The following CHRM5 variants were observed in gnomAD, a reference collection of about 807,000 sequenced individuals.
The protein encoded by CHRM5 is cholinergic receptor muscarinic 5, also known as muscarinic acetylcholine receptor M5.
In CHRM5, 18 loss-of-function variants were observed where a neutral mutation model predicts 39.0. The ratio of observed to expected loss-of-function variants is 0.46; its 90% CI spans 0.32 to 0.68. The LOEUF (loss-of-function observed/expected upper bound fraction) is 0.68, where lower values mean the gene tolerates loss of function less well. Among genes scored for constraint, CHRM5 ranks in the 30% least tolerant of loss-of-function variants. The pLI, the probability that CHRM5 is intolerant of heterozygous loss-of-function variation, is 0.04. For missense variants in CHRM5, 515 were observed against 651.1 expected, an observed-to-expected ratio of 0.79 and a Z score of 2.28; for synonymous variants, 241 against 246.3, an observed-to-expected ratio of 0.98 and a Z score of 0.20.
At chr15:33,989,504 C>G (rs768558772) in intron 1 of CHRM5, among the ~76,000 whole-genome samples, 12 of 151,456 alleles carry the variant, frequency 7.9e-5, no homozygotes, top group Non-Finnish European at 1.0e-4. Flanking sequence ...GATCCCCTGA[C>G]GCCCACCAAG....
At chr15:34,039,037 C>G in intron 1 of CHRM5, 1 of 1,112,776 alleles carries the variant, frequency 9.0e-7, no homozygotes. Context: ...GCTCCTCGCT[C>G]CGCCTGCATC....
At chr15:33,985,560 T>C (rs1852126694) in intron 1 of CHRM5, among the ~76,000 whole-genome samples, 1 of 151,958 alleles carries the variant, frequency 6.6e-6, no homozygotes, top group African/African-American at 2.4e-5. Context: ...GTCAGAGCCT[T>C]GCATTCTTGA....
chr15:34,048,432 TC>T (rs1899804759), intron 2 of CHRM5, among the ~76,000 whole-genome samples: 1 of 149,136 alleles, frequency 6.7e-6, no homozygotes, highest in African/African-American at 2.5e-5. Flanking sequence ...CTTTGCCAGA[TC>T]ATGGCCAGGC....
At chr15:34,016,195 T>A (rs1034330696) in intron 1 of CHRM5, among the ~76,000 whole-genome samples, 1 of 152,066 alleles carries the variant, frequency 6.6e-6, no homozygotes, top group African/African-American at 2.4e-5. Flanking sequence ...GATCGTGCCA[T>A]TGCACTCCAG....
intron 1 of CHRM5, among the ~76,000 whole-genome samples, chr15:33,997,190 T>C (rs1398121663): frequency 6.6e-6 from 1 of 152,118 alleles, no homozygotes; most frequent in African/African-American, 2.4e-5. Flanking sequence ...GATAGAAAAT[T>C]GATAAATTCA....
chr15:34,064,060 T>C lies in CHRM5; in HGVS notation c.1343T>C (p.Leu448Pro). The C allele has an allele frequency of 1.2e-6, 2 of 1,614,192 alleles. No homozygotes were observed. The highest frequency in any genetic ancestry group is 1.1e-5 in the South Asian group (1 of 91,080). The change falls in exon 3 of 3, where the codon CTC becomes CCC. Residue 448 changes from leucine to proline, a missense_variant. Transcript: ENST00000383263. ...GCAGCCCAGACACTGAGTGCCATTCTCCTGGCCTTCATCATCACATGGACC... is the reference window on the plus strand; with the variant it reads ...GCAGCCCAGACACTGAGTGCCATTCCCCTGGCCTTCATCATCACATGGACC... Reference protein sequence around the residue: ...RKAAQTLSAILLAFIITWTPY... With the variant: ...RKAAQTLSAIPLAFIITWTPY...
intron 2 of CHRM5, 71 bp from the exon 3 acceptor site, chr15:34,062,572 A>AAAC (rs35767926): frequency 2.4e-4 from 160 of 657,322 alleles, no homozygotes; most frequent in Non-Finnish European, 2.6e-4. Flanking sequence ...AAAAAAAAAA[A>AAAC]AACTATAAAC....
chr15:34,047,172 G>C (rs1899730760), intron 2 of CHRM5, among the ~76,000 whole-genome samples: 1 of 151,730 alleles, frequency 6.6e-6, no homozygotes, highest in Admixed American at 6.6e-5. Context: ...CCGCCTCCCG[G>C]GTTCACGCCA....
At chr15:34,011,606 G>C (rs1296479047) in intron 1 of CHRM5, among the ~76,000 whole-genome samples, 3 of 152,134 alleles carry the variant, frequency 2.0e-5, no homozygotes, top group Non-Finnish European at 4.4e-5. Context: ...TCAGTATATG[G>C]AAAAAGCAGA....
chr15:34,039,174 T>C, intron 1 of CHRM5: 1 of 825,412 alleles, frequency 1.2e-6, no homozygotes, highest in South Asian at 5.6e-5. Context: ...AGGCGCGGGG[T>C]GCGGGGCTAG....
intron 1 of CHRM5, among the ~76,000 whole-genome samples, chr15:33,993,713 G>C (rs1388788168): frequency 1.3e-5 from 2 of 152,128 alleles, no homozygotes; most frequent in Non-Finnish European, 2.9e-5. Context: ...CACCACACCT[G>C]CTACCGGGCC....
chr15:33,985,476 C>G (rs1252579739), intron 1 of CHRM5, among the ~76,000 whole-genome samples: 1 of 128,782 alleles, frequency 7.8e-6, no homozygotes, highest in Non-Finnish European at 1.7e-5. Context: ...AGAAGCAACC[C>G]TGGGGGAGAT....
intron 2 of CHRM5, among the ~76,000 whole-genome samples, chr15:34,048,258 A>G (rs1346773484): frequency 6.6e-6 from 1 of 152,178 alleles, no homozygotes; most frequent in African/African-American, 2.4e-5. Flanking sequence ...CACTCCAGCC[A>G]GGGTTATATG....
Position 34,064,512 on chromosome 15 carries a change from T to A in CHRM5, c.*196T>A. 1 of 669,584 alleles carries A rather than the reference T, an allele frequency of 1.5e-6. No individual in the cohort carries two copies. The highest frequency in any genetic ancestry group is 2.5e-6 in the Non-Finnish European group (1 of 393,494). 41.5% of individuals were successfully genotyped at this position (669,584 alleles called of 1,614,324 possible). ...AGCAATTGCTGACATATTAAATGAC[T>A]CTTGCCTATGACCAAGGCCATTTGA... On this transcript the variant is annotated 3_prime_UTR_variant, in exon 3 of 3. Coordinates refer to ENST00000383263, the MANE Select transcript of CHRM5 (RefSeq NM_012125.4).
chr15:34,032,091 G>A (rs745331319), intron 1 of CHRM5, among the ~76,000 whole-genome samples: 21 of 151,870 alleles, frequency 1.4e-4, no homozygotes, highest in South Asian at 2.1e-4. Context: ...ATCCAGTGCC[G>A]TAATAAGTTA....
chr15:34,034,058 T>C (rs1049547845), intron 1 of CHRM5, among the ~76,000 whole-genome samples: 1 of 152,218 alleles, frequency 6.6e-6, no homozygotes, highest in Non-Finnish European at 1.5e-5. Context: ...GTGCTGGGAT[T>C]ACAGGCATGA....
chr15:34,039,835 T>TA (rs913522919), intron 1 of CHRM5, among the ~76,000 whole-genome samples: 7 of 152,032 alleles, frequency 4.6e-5, no homozygotes, highest in Admixed American at 2.6e-4. Flanking sequence ...TTGGAAAGGT[T>TA]AAAAAAAACT....
rs1389722827 is a variant in CHRM5, at chr15:34,062,788, G to A, written c.71G>A (p.Arg24His). The A allele has an allele frequency of 8.1e-6, 13 of 1,614,056 alleles. No homozygotes were observed. The highest frequency in any genetic ancestry group is 6.7e-5 in the East Asian group (3 of 44,896). The change falls in exon 3 of 3, where the codon CGC becomes CAC. Residue 24 changes from arginine (R) to histidine (H), a missense_variant. Arg to His is a conservative substitution (Grantham distance 29, BLOSUM62 0). Transcript: ENST00000383263. The part of the protein sequence containing the change: ...GTPVNHQPLE[R>H]HRLWEVITIA... ...CCAGTAAATCACCAGCCTTTGGAAC[G>A]CCACAGGTTGTGGGAAGTCATCACC...
At chr15:33,988,401 C>G (rs1896571055) in intron 1 of CHRM5, among the ~76,000 whole-genome samples, 1 of 152,156 alleles carries the variant, frequency 6.6e-6, no homozygotes, top group South Asian at 2.1e-4. Flanking sequence ...AACTTTATTT[C>G]TAAGGCTTAG....
Sources: gnomAD v4.1 joint callset for allele counts (sites outside exome capture counted in the v4.1 genomes callset) on GRCh38, gnomAD v4.1.1 for gene constraint, MANE v1.5 for transcripts, NCBI Gene and HGNC (gene_info 2026-07-23, HGNC 2026-07-21) for gene names.